The following EBF1 variants were observed in gnomAD, a reference collection of about 807,000 sequenced individuals.
EBF1 encodes the protein EBF transcription factor 1.
Under a neutral mutation model 68.4 loss-of-function variants are expected in EBF1, and 10 were observed. The observed-to-expected ratio is 0.15, with a 90% CI of 0.09 to 0.25. The LOEUF is 0.25. Ranked by LOEUF, EBF1 falls within the 10% of genes least tolerant of loss-of-function variation. The probability of loss-of-function intolerance (pLI) is 1.00; values close to 1 mark genes in which losing one functional copy is unlikely to be tolerated. For synonymous variants in EBF1, 298 were observed against 299.8 expected, an observed-to-expected ratio of 0.99 and a Z score of 0.06; for missense variants, 509 against 794.4, an observed-to-expected ratio of 0.64 and a Z score of 4.32.
chr5:158,998,177 C>T (rs1761826299), intron 6 of EBF1, among the ~76,000 whole-genome samples: 1 of 152,124 alleles, frequency 6.6e-6, no homozygotes, highest in Non-Finnish European at 1.5e-5. Flanking sequence ...AGTCCTCCAC[C>T]CCCAAATTAT....
In EBF1 at chr5:159,047,075, G is replaced by A. The variant is rs1459048440; in HGVS notation, c.554+26321C>T. ...CTGTGTTTATTATTGAGTACTGAGT[G>A]TCAGGAGGAATAGAATAGTAAACAA... On this transcript the variant is annotated intron_variant, in intron 6 of 15. Transcript: ENST00000313708. Among the ~76,000 whole-genome samples the A allele has an allele frequency of 7.2e-5, 11 of 152,348 alleles. 1 individual carries two copies. The South Asian group carries it at 2.1e-3, about 29-fold the overall frequency.
At chr5:159,049,376 G>A (rs2127807105) in intron 6 of EBF1, among the ~76,000 whole-genome samples, 1 of 152,266 alleles carries the variant, frequency 6.6e-6, no homozygotes, top group South Asian at 2.1e-4. Context: ...GGGAGCTTGT[G>A]AGATTCTTAA....
chr5:159,084,760 T>C, intron 4 of EBF1, 21 bp from the exon 5 acceptor site: 1 of 1,572,236 alleles, frequency 6.4e-7, no homozygotes, highest in Non-Finnish European at 8.6e-7. Context: ...AAGCACAGTT[T>C]TAGCTAAGAA....
At chr5:158,788,059 T>C (rs1377168673) in intron 9 of EBF1, among the ~76,000 whole-genome samples, 1 of 152,190 alleles carries the variant, frequency 6.6e-6, no homozygotes, top group African/African-American at 2.4e-5. Context: ...AATAGTGTCA[T>C]TCAACAAATT....
At chr5:159,057,104 C>CTTTTTTTTTTTTTTTTTTTT (rs1205129627) in intron 6 of EBF1, among the ~76,000 whole-genome samples, 11 of 110,638 alleles carry the variant, frequency 9.9e-5, no homozygotes, top group Admixed American at 3.9e-4. Context: ...CTTTTCTTTT[C>CTTTTTTTTTTTTTTTTTTTT]TTTTTTTTTT....
At chr5:158,751,989 TTGA>T (rs1169852244) in intron 10 of EBF1, among the ~76,000 whole-genome samples, 5 of 152,130 alleles carry the variant, frequency 3.3e-5, no homozygotes, top group African/African-American at 9.6e-5. Context: ...TAGAATGATG[TTGA>T]TGATGCTAAG....
intron 8 of EBF1, among the ~76,000 whole-genome samples, chr5:158,798,553 C>T (rs1780000477): frequency 6.6e-6 from 1 of 152,126 alleles, no homozygotes; most frequent in African/African-American, 2.4e-5. Context: ...AATAGCATGG[C>T]CAAGACCTGC....
intron 6 of EBF1, among the ~76,000 whole-genome samples, chr5:158,924,212 G>C (rs1238785229): frequency 6.6e-6 from 1 of 152,222 alleles, no homozygotes; most frequent in African/African-American, 2.4e-5. Flanking sequence ...GTGGTGGGCT[G>C]TTGTTCCATT....
intron 6 of EBF1, among the ~76,000 whole-genome samples, chr5:158,910,710 G>A (rs1294155603): frequency 1.3e-5 from 2 of 152,086 alleles, no homozygotes; most frequent in Admixed American, 6.5e-5. Context: ...AGGTTTTATG[G>A]TTTATGGAAA....
intron 8 of EBF1, among the ~76,000 whole-genome samples, chr5:158,814,056 TA>T (rs1783210152): frequency 6.6e-6 from 1 of 152,138 alleles, no homozygotes; most frequent in South Asian, 2.1e-4. Context: ...AAATTAGGCT[TA>T]AAAAAGTTCT....
chr5:159,012,285 CAAAAAAA>C (rs969702778), intron 6 of EBF1, among the ~76,000 whole-genome samples: 2 of 113,732 alleles, frequency 1.8e-5, no homozygotes, highest in Admixed American at 9.5e-5. Context: ...GACTCTGTCT[CAAAAAAA>C]AAAAAGAAAA....
chr5:159,072,350 TTTG>T (rs1777956805), intron 6 of EBF1, among the ~76,000 whole-genome samples: 2 of 152,354 alleles, frequency 1.3e-5, no homozygotes, highest in Non-Finnish European at 2.9e-5. Flanking sequence ...CATCTTGTTT[TTTG>T]TTGTTGTCAT....
At chr5:158,731,361 A>G (rs1257318434) in intron 10 of EBF1, among the ~76,000 whole-genome samples, 1 of 152,196 alleles carries the variant, frequency 6.6e-6, no homozygotes, top group East Asian at 1.9e-4. Context: ...GACCCGCCCA[A>G]AAGAACATTA....
At chr5:158,931,836 T>C (rs1001737139) in intron 6 of EBF1, among the ~76,000 whole-genome samples, 4 of 152,180 alleles carry the variant, frequency 2.6e-5, no homozygotes, top group Non-Finnish European at 5.9e-5. Flanking sequence ...AAATAGGAGA[T>C]ACTCATCTAC....
In EBF1 at chr5:158,839,881, G is replaced by A. The variant is rs1022308982; in HGVS notation, c.636+148C>T. ...CCACTCTTCTCTAATCTAAACAACT[G>A]CTAGATTGCAGATACCTGGGGGACC... On this transcript the variant is annotated intron_variant, in intron 7 of 15. Coordinates refer to ENST00000313708, the MANE Select transcript of EBF1 (RefSeq NM_024007.5). 1.3e-5 allele frequency: 9 copies of A among 692,442 alleles called. 1 individual carries two copies. Among genetic ancestry groups the A allele is most frequent in the South Asian group, 1.1e-4 (7 of 62,442 alleles). The allele number at this position is 692,442 out of a possible 1,614,324, so 42.9% of individuals were successfully genotyped here. A position where few individuals can be genotyped will look rare whatever the true frequency, so the allele number is the denominator to read the frequency against.
chr5:158,772,646 GT>G (rs1774093522), intron 10 of EBF1, among the ~76,000 whole-genome samples: 1 of 152,114 alleles, frequency 6.6e-6, no homozygotes, highest in African/African-American at 2.4e-5. Context: ...GTTGACAGGT[GT>G]TACTTGTTTC....
chr5:158,705,676 T>C (rs1191670160), intron 15 of EBF1, among the ~76,000 whole-genome samples: 2 of 152,230 alleles, frequency 1.3e-5, no homozygotes, highest in Admixed American at 6.5e-5. Context: ...TTTCAGTTGA[T>C]AACCAGATCT....
At chr5:158,793,930 G>T (rs1011554031) in intron 9 of EBF1, among the ~76,000 whole-genome samples, 1 of 152,168 alleles carries the variant, frequency 6.6e-6, no homozygotes, top group Non-Finnish European at 1.5e-5. Context: ...ACAAAAAAGG[G>T]TTCACTTCTA....
chr5:158,977,550 T>C (rs1179926232), intron 6 of EBF1, among the ~76,000 whole-genome samples: 3 of 152,212 alleles, frequency 2.0e-5, no homozygotes, highest in Non-Finnish European at 4.4e-5. Context: ...TCCCAATTAG[T>C]AGCACAGGAA....
Sources: gnomAD v4.1 joint callset for allele counts (sites outside exome capture counted in the v4.1 genomes callset) on GRCh38, gnomAD v4.1.1 for gene constraint, MANE v1.5 for transcripts, NCBI Gene and HGNC (gene_info 2026-07-23, HGNC 2026-07-21) for gene names.